The following NETO1 variants were observed in gnomAD, a reference collection of about 807,000 sequenced individuals.
NETO1 encodes the protein neuropilin and tolloid-like protein 1.
NETO1 carries 26 observed loss-of-function variants against 61.3 expected under a neutral mutation model. That is an observed-to-expected ratio of 0.42 (90% CI 0.31 to 0.59). The LOEUF (loss-of-function observed/expected upper bound fraction) is 0.59, where lower values mean the gene tolerates loss of function less well. NETO1 is among the 20% of genes least tolerant of loss of function. NETO1 has a pLI of 0.12. For synonymous variants in NETO1, 225 were observed against 225.8 expected, an observed-to-expected ratio of 1.00 and a Z score of 0.03; for missense variants, 531 against 662.8, an observed-to-expected ratio of 0.80 and a Z score of 2.18.
intron 7 of NETO1, among the ~76,000 whole-genome samples, chr18:72,758,726 C>A (rs1036489840): frequency 6.6e-6 from 1 of 152,008 alleles, no homozygotes; most frequent in African/African-American, 2.4e-5. Context: ...ATTCCAGCTA[C>A]TCGGGAGGCT....
chr18:72,776,462 C>T (rs1228095988), intron 7 of NETO1, among the ~76,000 whole-genome samples: 7 of 152,116 alleles, frequency 4.6e-5, no homozygotes, highest in Admixed American at 1.3e-4. Context: ...AGTCCATTTG[C>T]GCTGCTCTAA....
chr18:72,777,674 C>T (rs1599153321), intron 7 of NETO1, among the ~76,000 whole-genome samples: 1 of 150,046 alleles, frequency 6.7e-6, no homozygotes, highest in Non-Finnish European at 1.5e-5. Context: ...ACCCGGGAGG[C>T]GGAGCTCGCA....
rs2074780856 is a variant in NETO1, at chr18:72,867,589, C to T, written c.-298G>A. ...CGCATCACACCCGGGCGCCGGCCGC[C>T]ACCATCCGCGCCGCCGCCGTCAGGA... On this transcript the variant is annotated 5_prime_UTR_variant, in exon 1 of 11. Transcript: ENST00000327305. The T allele has an allele frequency of 3.5e-6, 1 of 287,166 alleles. No homozygotes were observed. The highest frequency in any genetic ancestry group is 2.2e-5 in the African/African-American group (1 of 45,468). 17.8% of individuals were successfully genotyped at this position (287,166 alleles called of 1,614,324 possible). A position where few individuals can be genotyped will look rare whatever the true frequency, so the allele number is the denominator to read the frequency against.
chr18:72,793,740 T>C (rs2072216204), intron 6 of NETO1, among the ~76,000 whole-genome samples: 1 of 152,146 alleles, frequency 6.6e-6, no homozygotes, highest in East Asian at 1.9e-4. Flanking sequence ...CAGAAAAACG[T>C]CTACAGATAG....
chr18:72,784,361 T>A (rs1188893246), intron 6 of NETO1, among the ~76,000 whole-genome samples: 2 of 152,090 alleles, frequency 1.3e-5, no homozygotes, highest in South Asian at 4.1e-4. Flanking sequence ...TGAAAGACAG[T>A]CTCTCTGATT....
chr18:72,851,414 C>CAA (rs570774226), intron 4 of NETO1, among the ~76,000 whole-genome samples: 1 of 149,032 alleles, frequency 6.7e-6, no homozygotes, highest in African/African-American at 2.5e-5. Context: ...TCCCTCAAAA[C>CAA]AAAAAAAGAA....
chr18:72,864,903 C>G lies in NETO1; in HGVS notation c.125G>C (p.Gly42Ala). ...TSETQKSVQC[G>A]TWTKHAEGGI... The stretch of plus-strand genomic sequence containing the variant: ...TCCCTCTGCATGTTTTGTCCAAGTT[C>G]CACACTGCACTGACTTCTGTGTTTC... The change falls in exon 3 of 11, where the codon GGA becomes GCA. Residue 42 changes from glycine to alanine, a missense_variant. Transcript: ENST00000327305. 6.2e-7 allele frequency: 1 copy of G among 1,613,330 alleles called. No individual in the cohort carries two copies. The highest frequency in any genetic ancestry group is 8.5e-7 in the Non-Finnish European group (1 of 1,179,876).
Position 72,837,904 on chromosome 18 carries a change from G to A in NETO1, c.469+20922C>T, listed in dbSNP as rs562096815. Reference sequence around the variant, plus strand: ...CTCCCTCCCCATCACCATCCTCTATGACAGGTATCTCTACAATAGCTACAC... The same window carrying A: ...CTCCCTCCCCATCACCATCCTCTATAACAGGTATCTCTACAATAGCTACAC... On this transcript the variant is annotated intron_variant, in intron 4 of 10. Coordinates refer to ENST00000327305, the MANE Select transcript of NETO1 (RefSeq NM_138966.5). Among the ~76,000 whole-genome samples, 106 of 151,372 alleles carry A rather than the reference G, an allele frequency of 7.0e-4. 1 individual carries two copies. The highest frequency in any genetic ancestry group is 6.6e-3 in the Admixed American group (100 of 15,196).
chr18:72,755,920 T>C lies in NETO1; in HGVS notation c.982+114A>G, dbSNP rs7244228. On this transcript the variant is annotated intron_variant, in intron 8 of 10. Coordinates refer to ENST00000327305, the MANE Select transcript of NETO1 (RefSeq NM_138966.5). ...ATCAATTATAAGACATATGCGGTGG[T>C]CATAAAAGGCACTATACACTCTTAT... 889 of 575,926 alleles carry C rather than the reference T, an allele frequency of 1.5e-3. 10 individuals are homozygous for C. The African/African-American group carries it at 0.016, about 10-fold the overall frequency. The allele number at this position is 575,926 out of a possible 1,614,324, so 35.7% of individuals were successfully genotyped here.
Position 72,756,276 on chromosome 18 carries a change from G to A in NETO1, c.869-129C>T, listed in dbSNP as rs925540780. 105 of 548,696 alleles carry A rather than the reference G, an allele frequency of 1.9e-4. 1 individual carries two copies. Among genetic ancestry groups the A allele is most frequent in the African/African-American group, 1.7e-3 (90 of 52,480 alleles). The allele number at this position is 548,696 out of a possible 1,614,324, so 34.0% of individuals were successfully genotyped here. On this transcript the variant is annotated intron_variant, in intron 7 of 10. Coordinates refer to ENST00000327305, the MANE Select transcript of NETO1 (RefSeq NM_138966.5). ...CACAAACTGAGATAAATGATCTGCC[G>A]TGCGATTTTCAGAAACGGTGCCGTA...
At position 72,831,322 on chromosome 18, in the gene NETO1, A is replaced by G. The variant is rs377291850; in HGVS notation, c.469+27504T>C. Among the ~76,000 whole-genome samples, 356 of 152,286 alleles carry G rather than the reference A, an allele frequency of 2.3e-3. 3 individuals carry two copies. The highest frequency in any genetic ancestry group is 8.2e-3 in the African/African-American group (340 of 41,544). ...CCACAACAATGAATGAAAATGATCT[A>G]TTTCTTCATAGAATTACAGTCTGGT... is the stretch of plus-strand genomic sequence containing the variant. On this transcript the variant is annotated intron_variant, in intron 4 of 10. Transcript: ENST00000327305.
intron 4 of NETO1, among the ~76,000 whole-genome samples, chr18:72,807,749 CACACA>C (rs1247312989): frequency 0.046 from 1,150 of 24,940 alleles, 13 homozygotes; most frequent in South Asian, 0.22. Context: ...CACACACACA[CACACA>C]CCCATACTGT....
intron 4 of NETO1, among the ~76,000 whole-genome samples, chr18:72,824,389 C>A (rs2073308362): frequency 6.6e-6 from 1 of 152,088 alleles, no homozygotes; most frequent in Admixed American, 6.5e-5. Flanking sequence ...ATTATGATCC[C>A]AAATTGAATG....
At chr18:72,757,890 T>C (rs2070836500) in intron 7 of NETO1, among the ~76,000 whole-genome samples, 1 of 152,184 alleles carries the variant, frequency 6.6e-6, no homozygotes, top group Non-Finnish European at 1.5e-5. Flanking sequence ...ATTAGAATGG[T>C]TGTAAAATGC....
intron 4 of NETO1, among the ~76,000 whole-genome samples, chr18:72,807,715 AACACAC>A (rs72126949): frequency 0.089 from 5,815 of 65,274 alleles, 368 homozygotes; most frequent in African/African-American, 0.16. Context: ...TGAAGACAAG[AACACAC>A]ACACACACAC....
At chr18:72,786,080 T>C (rs79389854) in intron 6 of NETO1, among the ~76,000 whole-genome samples, 1,646 of 152,338 alleles carry the variant, frequency 0.011, 31 homozygotes, top group African/African-American at 0.038. Flanking sequence ...GAAATGTTTG[T>C]GAATGATTAA....
intron 7 of NETO1, among the ~76,000 whole-genome samples, chr18:72,762,191 G>A (rs534033049): frequency 1.3e-5 from 2 of 148,714 alleles, no homozygotes; most frequent in Non-Finnish European, 3.0e-5. Flanking sequence ...GCTGATTTTC[G>A]CTCTTGTTGC....
intron 4 of NETO1, among the ~76,000 whole-genome samples, chr18:72,795,725 C>T (rs1160089903): frequency 6.6e-6 from 1 of 152,060 alleles, no homozygotes; most frequent in Non-Finnish European, 1.5e-5. Flanking sequence ...CACGTCTTAC[C>T]ACATGTATCT....
intron 6 of NETO1, among the ~76,000 whole-genome samples, chr18:72,792,409 A>G (rs1439112706): frequency 6.6e-6 from 1 of 151,952 alleles, no homozygotes; most frequent in Non-Finnish European, 1.5e-5. Flanking sequence ...ACAGAATGAG[A>G]CTCTGTCTCA....
Sources: allele counts gnomAD v4.1 joint callset (sites outside exome capture counted in the v4.1 genomes callset), GRCh38; gene constraint gnomAD v4.1.1; transcripts MANE v1.5; gene names NCBI Gene and HGNC (gene_info 2026-07-23, HGNC 2026-07-21).